The following KIRREL3 variants were observed in gnomAD, a reference collection of about 807,000 sequenced individuals.
KIRREL3 encodes kin of IRRE-like protein 3.
Under a neutral mutation model 89.7 loss-of-function variants are expected in KIRREL3, and 36 were observed. The ratio of observed to expected loss-of-function variants is 0.40; its 90% CI spans 0.31 to 0.53. KIRREL3 has a LOEUF of 0.53. Ranked by LOEUF, KIRREL3 falls within the 20% of genes least tolerant of loss-of-function variation. The pLI is 0.49. For synonymous variants in KIRREL3, 445 were observed against 441.4 expected (o/e 1.01, Z -0.10); for missense variants, 864 against 1,056.6 (o/e 0.82, Z 2.53).
intron 15 of KIRREL3, among the ~76,000 whole-genome samples, chr11:126,426,357 C>T (rs567332307): frequency 2.2e-4 from 33 of 152,314 alleles, no homozygotes; most frequent in African/African-American, 7.7e-4. Flanking sequence ...AGGATCACTT[C>T]CTGCTTGTCT....
In KIRREL3 at chr11:126,447,841, G is replaced by C. The variant is rs569219210; in HGVS notation, c.998-955C>G. Among the ~76,000 whole-genome samples, 9 of 152,206 alleles carry C rather than the reference G, an allele frequency of 5.9e-5. 1 individual carries two copies. Among genetic ancestry groups the C allele is most frequent in the Admixed American group, 2.6e-4 (4 of 15,272 alleles). On this transcript the variant is annotated intron_variant, in intron 8 of 16. Coordinates refer to ENST00000525144, the MANE Select transcript of KIRREL3 (RefSeq NM_032531.4). ...TTTCTTCGGAGGCTTCAAGGGCAAG[G>C]GGGAGGGCCAGATTTTTTCAAGTTT...
chr11:126,873,438 G>A (rs1011648309), intron 1 of KIRREL3, among the ~76,000 whole-genome samples: 1 of 152,178 alleles, frequency 6.6e-6, no homozygotes, highest in Non-Finnish European at 1.5e-5. Context: ...ATGCCGGGCT[G>A]TTTGTAGAAA....
chr11:126,967,509 A>C (rs1949305219), intron 1 of KIRREL3, among the ~76,000 whole-genome samples: 1 of 152,090 alleles, frequency 6.6e-6, no homozygotes, highest in South Asian at 2.1e-4. Context: ...GCCCTTTTCT[A>C]TATTTGAAAA....
In KIRREL3 at chr11:126,566,394, T is replaced by C. The variant is rs1327140454; in HGVS notation, c.56-3482A>G. 2.0e-5 allele frequency among the ~76,000 whole-genome samples: 3 copies of C among 152,188 alleles called. No individual in the cohort carries two copies. The highest frequency in any genetic ancestry group is 7.2e-5 in the African/African-American group (3 of 41,448). On this transcript the variant is annotated intron_variant, in intron 1 of 16. Transcript: ENST00000525144. This position sits in a 1 kb window ranked among gnomAD's most constrained non-coding sequence, Gnocchi z 4.9. ...GTGTCAGGACTGTGCCTTCTCCTGC[T>C]CTGAGCCCGTAGGACCAAGCACAGT...
At position 126,736,817 on chromosome 11, in the gene KIRREL3, G is replaced by A. The variant is rs763334521; in HGVS notation, c.56-173905C>T. Among the ~76,000 whole-genome samples the A allele has an allele frequency of 6.6e-5, 10 of 152,172 alleles. No homozygotes were observed. Among genetic ancestry groups the A allele is most frequent in the Admixed American group, 5.9e-4 (9 of 15,288 alleles). On this transcript the variant is annotated intron_variant, in intron 1 of 16. Transcript: ENST00000525144. The surrounding 1 kb of genome is among the most constrained non-coding windows in gnomAD (Gnocchi z 5.0). ...TAATGTCCATGGACAAAGGCTGCTG[G>A]GAATCACCATACATCCCCCACAGTC...
rs77377379 is a variant in KIRREL3 at position 126,975,408 on chromosome 11, C to T, written c.55+25047G>A. On this transcript the variant is annotated intron_variant, in intron 1 of 16. Coordinates refer to ENST00000525144, the MANE Select transcript of KIRREL3 (RefSeq NM_032531.4). Reference sequence around the variant, plus strand: ...CATTCTTGCAAGGTTCTTTCTCCTACCCCCCTGAAATTTCCTTAAATAAGT... The same window carrying T: ...CATTCTTGCAAGGTTCTTTCTCCTATCCCCCTGAAATTTCCTTAAATAAGT... 3.3e-5 allele frequency among the ~76,000 whole-genome samples: 5 copies of T among 152,150 alleles called. 1 individual carries two copies. Among genetic ancestry groups the T allele is most frequent in the Non-Finnish European group, 7.4e-5 (5 of 68,018 alleles).
Position 126,557,656 on chromosome 11 carries a change from C to T in KIRREL3, c.133+5179G>A, listed in dbSNP as rs556202336. ...TTAGACTCATTTTTTTATTAGTGTA[C>T]GAGGGTGCATAAAGAACAGGCTCTC... On this transcript the variant is annotated intron_variant, in intron 2 of 16. Transcript: ENST00000525144. This position sits in a 1 kb window ranked among gnomAD's most constrained non-coding sequence, Gnocchi z 5.6. Among the ~76,000 whole-genome samples the T allele has an allele frequency of 1.2e-4, 19 of 152,176 alleles. No individual in the cohort carries two copies. The South Asian group carries it at 3.9e-3, about 32-fold the overall frequency.
At position 126,454,096 on chromosome 11, in the gene KIRREL3, C is replaced by A. The variant is rs1012163307; in HGVS notation, c.848+2253G>T. ...CCCATTAACTGCCACCCTCCCATCG[C>A]CCGGATTCACCAGCTGTTAACATTT... On this transcript the variant is annotated intron_variant, in intron 7 of 16. Transcript: ENST00000525144. The surrounding 1 kb of genome is among the most constrained non-coding windows in gnomAD (Gnocchi z 5.8). 1.3e-5 allele frequency among the ~76,000 whole-genome samples: 1 copy of A among 79,484 alleles called. No individual in the cohort carries two copies. 52.1% of individuals were successfully genotyped at this position (79,484 alleles called of 152,430 possible).
At chr11:126,758,128 T>G (rs1419222985) in intron 1 of KIRREL3, among the ~76,000 whole-genome samples, 1 of 152,244 alleles carries the variant, frequency 6.6e-6, no homozygotes, top group Non-Finnish European at 1.5e-5. Flanking sequence ...CTCTCCGATT[T>G]GGCTATTAAG....
rs1399586725 is a variant in KIRREL3 at position 126,985,138 on chromosome 11, C to A, written c.55+15317G>T. On this transcript the variant is annotated intron_variant, in intron 1 of 16. Coordinates refer to ENST00000525144, the MANE Select transcript of KIRREL3 (RefSeq NM_032531.4). This position sits in a 1 kb window ranked among gnomAD's most constrained non-coding sequence, Gnocchi z 5.3. ...GGAGGACTCGGTGCTCATAGGTACT[C>A]GAGTTGTACAAGGCAATAATAATGA... is the stretch of plus-strand genomic sequence containing the variant. 6.6e-6 allele frequency among the ~76,000 whole-genome samples: 1 copy of A among 152,042 alleles called. No individual in the cohort carries two copies.
intron 4 of KIRREL3, among the ~76,000 whole-genome samples, chr11:126,478,735 GTGTA>G (rs1222600405): frequency 1.3e-4 from 20 of 152,198 alleles, no homozygotes; most frequent in African/African-American, 2.2e-4. Context: ...GTGTATACAT[GTGTA>G]TGTAAGTGTG....
In KIRREL3 at chr11:126,424,514, T is replaced by C; in HGVS notation, c.*66A>G. ...GGTGTCCTCTGCAAAGTACCCCTCGTCCCTGGACAACCAGAACGTGCCCTG... is the reference window on the plus strand; with the variant it reads ...GGTGTCCTCTGCAAAGTACCCCTCGCCCCTGGACAACCAGAACGTGCCCTG... On this transcript the variant is annotated 3_prime_UTR_variant, in exon 17 of 17. Transcript: ENST00000525144. 1.3e-6 allele frequency: 2 copies of C among 1,512,804 alleles called. No individual in the cohort carries two copies. Among genetic ancestry groups the C allele is most frequent in the Non-Finnish European group, 1.8e-6 (2 of 1,105,354 alleles). 93.7% of individuals were successfully genotyped at this position (1,512,804 alleles called of 1,614,324 possible).
chr11:126,591,297 G>A (rs1026153141), intron 1 of KIRREL3, among the ~76,000 whole-genome samples: 3 of 152,190 alleles, frequency 2.0e-5, no homozygotes, highest in African/African-American at 7.2e-5. Flanking sequence ...ACGACTGGCT[G>A]GACGCTTGTA....
rs1342008753 is a variant in KIRREL3, at chr11:126,432,271, A to T, written c.1589-745T>A. On this transcript the variant is annotated intron_variant, in intron 13 of 16. Transcript: ENST00000525144. This position sits in a 1 kb window ranked among gnomAD's most constrained non-coding sequence, Gnocchi z 6.2. ...CCACACACTGGGCAGGCAAGCCCTC[A>T]CCCCTGCTGAGTCTCTGTGGCCTGT... 6.6e-6 allele frequency among the ~76,000 whole-genome samples: 1 copy of T among 151,694 alleles called. No individual in the cohort carries two copies. The highest frequency in any genetic ancestry group is 1.5e-5 in the Non-Finnish European group (1 of 67,898).
chr11:126,564,488 A>G lies in KIRREL3; in HGVS notation c.56-1576T>C, dbSNP rs1196581394. ...TTAAAGGGGTTTATTGACTATCAGT[A>G]AAGAGCAGAGAAGCAGATCTGAGGG... On this transcript the variant is annotated intron_variant, in intron 1 of 16. Transcript: ENST00000525144. The surrounding 1 kb of genome is among the most constrained non-coding windows in gnomAD (Gnocchi z 7.4). Among the ~76,000 whole-genome samples, 1 of 152,188 alleles carries G rather than the reference A, an allele frequency of 6.6e-6. No homozygotes were observed. The highest frequency in any genetic ancestry group is 1.5e-5 in the Non-Finnish European group (1 of 68,028).
In KIRREL3 at chr11:126,861,881, G is replaced by A. The variant is rs377375157; in HGVS notation, c.55+138574C>T. 7.2e-5 allele frequency among the ~76,000 whole-genome samples: 11 copies of A among 152,308 alleles called. 1 individual carries two copies. The highest frequency in any genetic ancestry group is 1.6e-4 in the Non-Finnish European group (11 of 68,024). On this transcript the variant is annotated intron_variant, in intron 1 of 16. Transcript: ENST00000525144. ...TGTCTGGGGGCACATGGACTGTACC[G>A]TGTGATACAAAACCTTCCTGCAGAA...
In KIRREL3 at chr11:126,476,368, G is replaced by A. The variant is rs1957064571; in HGVS notation, c.434-2902C>T. 6.6e-6 allele frequency among the ~76,000 whole-genome samples: 1 copy of A among 152,192 alleles called. No homozygotes were observed. The highest frequency in any genetic ancestry group is 1.5e-5 in the Non-Finnish European group (1 of 68,048). On this transcript the variant is annotated intron_variant, in intron 4 of 16. Coordinates refer to ENST00000525144, the MANE Select transcript of KIRREL3 (RefSeq NM_032531.4). This position sits in a 1 kb window ranked among gnomAD's most constrained non-coding sequence, Gnocchi z 6.4. ...GGAGCCTCTGCTTGCTCTGAGCACAGTGCAGCCACCAAGGCCTTCCCGAGA... is the reference window on the plus strand; with the variant it reads ...GGAGCCTCTGCTTGCTCTGAGCACAATGCAGCCACCAAGGCCTTCCCGAGA...
intron 1 of KIRREL3, among the ~76,000 whole-genome samples, chr11:126,798,756 T>C (rs939750170): frequency 2.6e-5 from 4 of 152,162 alleles, no homozygotes; most frequent in Non-Finnish European, 5.9e-5. Flanking sequence ...AGAGAAACCA[T>C]ACGGAGCAGC....
chr11:126,494,995 G>C (rs1957617954), intron 4 of KIRREL3, among the ~76,000 whole-genome samples: 1 of 152,196 alleles, frequency 6.6e-6, no homozygotes, highest in African/African-American at 2.4e-5. Context: ...GCTCTAAGTT[G>C]GTGTCTGGAG....
Sources: gnomAD v4.1 joint callset for allele counts (sites outside exome capture counted in the v4.1 genomes callset) on GRCh38, gnomAD v4.1.1 for gene constraint, Gnocchi (gnomAD v3.1) non-coding constraint, MANE v1.5 for transcripts, NCBI Gene and HGNC (gene_info 2026-07-23, HGNC 2026-07-21) for gene names.